Variants in CGAS observed in about 807,000 individuals in gnomAD.
CGAS encodes the protein 2'3'-cGAMP synthase.
CGAS carries 31 observed loss-of-function variants against 34.0 expected under a neutral mutation model. The ratio of observed to expected loss-of-function variants is 0.91; its 90% CI spans 0.69 to 1.23. The LOEUF is 1.23. CGAS is among the 50% of genes most tolerant of loss of function. The pLI, the probability that CGAS is intolerant of heterozygous loss-of-function variation, is 0.00. For missense variants in CGAS, 597 were observed against 657.6 expected, an observed-to-expected ratio of 0.91 and a Z score of 1.01; for synonymous variants, 266 against 260.0, an observed-to-expected ratio of 1.02 and a Z score of -0.22.
intron 3 of CGAS, 151 bp from the exon 4 acceptor site, chr6:73,428,962 GGGTCA>G: frequency 1.5e-6 from 1 of 659,858 alleles, no homozygotes; most frequent in South Asian, 2.0e-5. Context: ...CGAGGAGGGT[GGGTCA>G]CCTGAGGTCG....
intron 3 of CGAS, among the ~76,000 whole-genome samples, chr6:73,430,023 A>AATGTCTCAATAG (rs1319799762): frequency 6.6e-6 from 1 of 152,140 alleles, no homozygotes; most frequent in African/African-American, 2.4e-5. Flanking sequence ...AGATGAAGAA[A>AATGTCTCAATAG]ATGAAGCTCT....
At chr6:73,429,023 C>CA (rs1372812036) in intron 3 of CGAS, among the ~76,000 whole-genome samples, 2 of 151,154 alleles carry the variant, frequency 1.3e-5, no homozygotes, top group Non-Finnish European at 3.0e-5. Flanking sequence ...CCATCTCTAC[C>CA]AAAAATACAA....
At chr6:73,440,763 A>C (rs1189685057) in intron 2 of CGAS, among the ~76,000 whole-genome samples, 1 of 151,992 alleles carries the variant, frequency 6.6e-6, no homozygotes, top group Non-Finnish European at 1.5e-5. Context: ...TTAGCCGGGC[A>C]TGGTGGCGAA....
In CGAS at chr6:73,439,427, G is replaced by T. The variant is rs180754179; in HGVS notation, c.1114+782C>A. 1.8e-3 allele frequency among the ~76,000 whole-genome samples: 265 copies of T among 149,654 alleles called. 2 individuals carry two copies. The highest frequency in any genetic ancestry group is 6.1e-3 in the African/African-American group (246 of 40,604). On this transcript the variant is annotated intron_variant, in intron 3 of 4. Transcript: ENST00000370315. ...ACCCGGGAGGCAGAGGTTGCAGCAA[G>T]CTGAGATTGTGCCACTGCACTTCAG...
chr6:73,450,917 G>A (rs1770552698), intron 1 of CGAS, among the ~76,000 whole-genome samples: 1 of 150,624 alleles, frequency 6.6e-6, no homozygotes, highest in Non-Finnish European at 1.5e-5. Context: ...GTGAACCCGG[G>A]AGGCGGAGCT....
intron 3 of CGAS, among the ~76,000 whole-genome samples, chr6:73,435,853 A>C (rs192535802): frequency 6.6e-6 from 1 of 151,800 alleles, no homozygotes; most frequent in African/African-American, 2.4e-5. Context: ...TATGTATATA[A>C]ATTACTATAT....
Position 73,425,374 on chromosome 6 carries a change from G to T in CGAS, c.1422C>A (p.Cys474Ter), listed in dbSNP as rs756968288. ...AATTCTCAAGTTTTTCTGTCCTGAG[G>T]CACTGAAGAAAGTATGTCACGCAGT... ...FDNCVTYFLQ[C>*]LRTEKLENYF... is the part of the protein sequence containing the mutation. Residue 474 changes from cysteine (C) to a stop codon, truncating the protein, a stop_gained, in exon 5 of 5, where the codon TGC (cysteine) becomes TGA (stop). Coordinates refer to ENST00000370315, the MANE Select transcript of CGAS (RefSeq NM_138441.3). LOFTEE classifies it low-confidence loss of function (END_TRUNC). 7 of 1,613,092 alleles carry T rather than the reference G, an allele frequency of 4.3e-6. No individual in the cohort carries two copies. The African/African-American group carries it at 8.0e-5, about 18-fold the overall frequency.
intron 3 of CGAS, among the ~76,000 whole-genome samples, chr6:73,433,516 G>C (rs1770227383): frequency 6.7e-6 from 1 of 148,156 alleles, no homozygotes; most frequent in African/African-American, 2.5e-5. Context: ...TTGAGACGGA[G>C]TCTCTCTCTG....
intron 3 of CGAS, among the ~76,000 whole-genome samples, chr6:73,434,282 G>A (rs528475424): frequency 6.6e-6 from 1 of 152,278 alleles, no homozygotes; most frequent in South Asian, 2.1e-4. Flanking sequence ...AGGGATTTGA[G>A]CATCTGTGGA....
In CGAS at chr6:73,451,984, C is replaced by T. The variant is rs771892610; in HGVS notation, c.198G>A (p.Pro66=). Residue 66 remains proline, a synonymous_variant, in exon 1 of 5, where the codon CCG becomes CCA. Coordinates refer to ENST00000370315, the MANE Select transcript of CGAS (RefSeq NM_138441.3). ...KSGSRQKKSA[P]DTQERPPVRA... The stretch of plus-strand genomic sequence containing the variant: ...GGACGGGCGGCCTCTCCTGGGTGTC[C>T]GGGGCGCTCTTTTTCTGCCGGGATC... The T allele has an allele frequency of 1.1e-5, 17 of 1,478,714 alleles. No individual in the cohort carries two copies. The African/African-American group carries it at 1.4e-4, about 12-fold the overall frequency. The allele number at this position is 1,478,714 out of a possible 1,614,324, so 91.6% of individuals were successfully genotyped here.
intron 3 of CGAS, among the ~76,000 whole-genome samples, chr6:73,431,020 T>C (rs1014314983): frequency 6.6e-6 from 1 of 151,798 alleles, no homozygotes; most frequent in Non-Finnish European, 1.5e-5. Context: ...GGGAATCGCT[T>C]GAATTCAGGA....
chr6:73,437,117 G>C (rs771119861), intron 3 of CGAS, among the ~76,000 whole-genome samples: 2 of 151,858 alleles, frequency 1.3e-5, no homozygotes, highest in Non-Finnish European at 2.9e-5. Context: ...GCCCCACTGC[G>C]CTCCAGCCTG....
At chr6:73,439,268 C>T (rs1770333688) in intron 3 of CGAS, among the ~76,000 whole-genome samples, 1 of 151,130 alleles carries the variant, frequency 6.6e-6, no homozygotes, top group South Asian at 2.1e-4. Context: ...AAGCTACTTC[C>T]CAGGAGTTTG....
chr6:73,445,815 T>A (rs1412931452), intron 1 of CGAS, 68 bp from the exon 2 acceptor site: 5 of 1,234,216 alleles, frequency 4.1e-6, no homozygotes, highest in Non-Finnish European at 4.5e-6. Flanking sequence ...TGGAACTTTT[T>A]AAAAAATTTC....
chr6:73,447,882 AAC>A (rs1340443176), intron 1 of CGAS, among the ~76,000 whole-genome samples: 2 of 152,178 alleles, frequency 1.3e-5, no homozygotes, highest in Non-Finnish European at 2.9e-5. Context: ...AATTATTTCC[AAC>A]AGTTTATATG....
chr6:73,450,352 T>C (rs1050708790), intron 1 of CGAS, among the ~76,000 whole-genome samples: 9 of 149,068 alleles, frequency 6.0e-5, no homozygotes, highest in African/African-American at 1.2e-4. Context: ...GAGGTGGAGG[T>C]TGAGGTGAGC....
intron 2 of CGAS, among the ~76,000 whole-genome samples, chr6:73,440,908 G>GA (rs113526694): frequency 1.1e-3 from 161 of 143,944 alleles, no homozygotes; most frequent in East Asian, 6.2e-3. Context: ...TCTCAAAAAA[G>GA]AAAAAAAAAC....
intron 2 of CGAS, among the ~76,000 whole-genome samples, chr6:73,445,084 G>A (rs1770446727): frequency 6.6e-6 from 1 of 152,062 alleles, no homozygotes. Flanking sequence ...CTGGATATAG[G>A]TTTGGAGTGC....
intron 1 of CGAS, among the ~76,000 whole-genome samples, chr6:73,449,509 A>ACACACACACACACAC (rs1554239200): frequency 3.4e-5 from 4 of 119,378 alleles, no homozygotes; most frequent in Admixed American, 8.5e-5. Flanking sequence ...ACACACACAC[A>ACACACACACACACAC]AAGTGGTTCT....
Sources: allele counts gnomAD v4.1 joint callset (sites outside exome capture counted in the v4.1 genomes callset), GRCh38; gene constraint gnomAD v4.1.1; transcripts MANE v1.5; gene names NCBI Gene and HGNC (gene_info 2026-07-23, HGNC 2026-07-21).